Variants in OSBPL1A observed in about 807,000 individuals in gnomAD.
OSBPL1A encodes the protein oxysterol-binding protein-related protein 1.
In OSBPL1A, 80 loss-of-function variants were observed where a neutral mutation model predicts 137.1. The ratio of observed to expected loss-of-function variants is 0.58; its 90% CI spans 0.49 to 0.70. The LOEUF (loss-of-function observed/expected upper bound fraction) is 0.70, where lower values mean the gene tolerates loss of function less well. OSBPL1A is among the 30% of genes least tolerant of loss of function. The pLI, the probability that OSBPL1A is intolerant of heterozygous loss-of-function variation, is 0.00. For synonymous variants in OSBPL1A, 365 were observed against 389.7 expected (o/e 0.94, Z 0.75); for missense variants, 970 against 1,129.4 (o/e 0.86, Z 2.02).
chr18:24,368,206 G>A, intron 3 of OSBPL1A, 81 bp downstream of exon 3: 1 of 1,043,302 alleles, frequency 9.6e-7, no homozygotes, highest in South Asian at 1.5e-5. Flanking sequence ...GGCTCAGGTG[G>A]CTTTTCTAAG....
At chr18:24,223,274 C>A (rs539612266) in intron 17 of OSBPL1A, among the ~76,000 whole-genome samples, 1 of 152,164 alleles carries the variant, frequency 6.6e-6, no homozygotes, top group South Asian at 2.1e-4. Context: ...TTTAAATTAT[C>A]TGTGGCATAT....
At chr18:24,351,259 G>T (rs2091432889) in intron 4 of OSBPL1A, among the ~76,000 whole-genome samples, 1 of 145,368 alleles carries the variant, frequency 6.9e-6, no homozygotes, top group East Asian at 2.1e-4. Context: ...TGAGGCAGGA[G>T]AATCCTTTGA....
At chr18:24,219,330 G>C (rs1011954621) in intron 17 of OSBPL1A, among the ~76,000 whole-genome samples, 10 of 152,192 alleles carry the variant, frequency 6.6e-5, no homozygotes, top group Non-Finnish European at 1.2e-4. Context: ...TGATGTGGTG[G>C]TTTATAGATG....
intron 15 of OSBPL1A, among the ~76,000 whole-genome samples, chr18:24,243,877 A>T (rs2088799278): frequency 1.3e-5 from 2 of 152,236 alleles, no homozygotes; most frequent in African/African-American, 4.8e-5. Context: ...TGAGAGAGTA[A>T]CTACACATCA....
At position 24,162,899 on chromosome 18, in the gene OSBPL1A, G is replaced by A. The variant is rs2086052850; in HGVS notation, c.*280C>T. 4.4e-6 allele frequency: 1 copy of A among 228,462 alleles called. No homozygotes were observed. Among genetic ancestry groups the A allele is most frequent in the Non-Finnish European group, 8.6e-6 (1 of 116,884 alleles). The allele number at this position is 228,462 out of a possible 1,614,324, so 14.2% of individuals were successfully genotyped here. On this transcript the variant is annotated 3_prime_UTR_variant, in exon 28 of 28. Transcript: ENST00000319481. ...TAAACCTTCAGTAAATATGGCAACA[G>A]CAACCATAAAAAGCATATTCCCCAG...
At chr18:24,277,750 C>T (rs138200305) in intron 15 of OSBPL1A, among the ~76,000 whole-genome samples, 48 of 152,242 alleles carry the variant, frequency 3.2e-4, no homozygotes, top group Non-Finnish European at 6.3e-4. Context: ...TGTTGTAATC[C>T]TTATGCATTT....
intron 14 of OSBPL1A, among the ~76,000 whole-genome samples, chr18:24,287,836 A>C (rs183497684): frequency 6.8e-6 from 1 of 146,700 alleles, no homozygotes; most frequent in Non-Finnish European, 1.5e-5. Context: ...GCAGAAGTAA[A>C]AGTGAGCAAT....
intron 15 of OSBPL1A, among the ~76,000 whole-genome samples, chr18:24,269,525 T>C (rs2089664002): frequency 6.6e-6 from 1 of 152,138 alleles, no homozygotes; most frequent in Non-Finnish European, 1.5e-5. Context: ...CAGTTTCTTA[T>C]AAGGTAAACA....
chr18:24,245,101 T>G (rs889715658), intron 15 of OSBPL1A, among the ~76,000 whole-genome samples: 2 of 152,154 alleles, frequency 1.3e-5, no homozygotes, highest in Non-Finnish European at 2.9e-5. Flanking sequence ...ATTAGAATTT[T>G]TTTTTTTTCT....
intron 7 of OSBPL1A, among the ~76,000 whole-genome samples, chr18:24,325,142 C>A (rs921953112): frequency 6.6e-6 from 1 of 152,036 alleles, no homozygotes; most frequent in African/African-American, 2.4e-5. Flanking sequence ...ATAAGAAAGG[C>A]ATGACAAAAT....
chr18:24,265,531 A>T (rs567619099), intron 15 of OSBPL1A, among the ~76,000 whole-genome samples: 1 of 152,166 alleles, frequency 6.6e-6, no homozygotes, highest in Admixed American at 6.6e-5. Flanking sequence ...TATGCTCACA[A>T]ATCATTTCTA....
chr18:24,365,035 A>T (rs1239753094), intron 4 of OSBPL1A, among the ~76,000 whole-genome samples: 1 of 151,528 alleles, frequency 6.6e-6, no homozygotes, highest in African/African-American at 2.4e-5. Context: ...CAAAAAAAAA[A>T]AAAAAAAAAA....
chr18:24,276,966 G>A (rs2089859143), intron 15 of OSBPL1A, among the ~76,000 whole-genome samples: 1 of 152,164 alleles, frequency 6.6e-6, no homozygotes. Flanking sequence ...ATAATTTTAT[G>A]GAGTTTGGTT....
At chr18:24,339,332 A>C (rs2091235883) in intron 5 of OSBPL1A, among the ~76,000 whole-genome samples, 1 of 152,186 alleles carries the variant, frequency 6.6e-6, no homozygotes, top group Non-Finnish European at 1.5e-5. Context: ...GGGTTACTCA[A>C]GGTACTTCCA....
chr18:24,395,470 C>T (rs192335372), intron 1 of OSBPL1A, among the ~76,000 whole-genome samples: 1 of 152,092 alleles, frequency 6.6e-6, no homozygotes, highest in Admixed American at 6.6e-5. Context: ...AAAATAAAGC[C>T]ACAAGGAGAA....
intron 16 of OSBPL1A, among the ~76,000 whole-genome samples, chr18:24,228,469 C>G (rs1248217202): frequency 6.6e-6 from 1 of 152,200 alleles, no homozygotes; most frequent in Non-Finnish European, 1.5e-5. Context: ...TCCACCACAT[C>G]TGATGCTGCT....
chr18:24,241,642 AT>A (rs1467920611), intron 15 of OSBPL1A, among the ~76,000 whole-genome samples: 2 of 152,196 alleles, frequency 1.3e-5, no homozygotes, highest in African/African-American at 4.8e-5. Context: ...GCTAGAGAGG[AT>A]GTGGAGAAAT....
intron 13 of OSBPL1A, among the ~76,000 whole-genome samples, chr18:24,310,541 G>T (rs1465380213): frequency 2.7e-5 from 4 of 145,570 alleles, no homozygotes; most frequent in African/African-American, 7.7e-5. Context: ...GGTGGAACTT[G>T]CAGTGAGCCG....
intron 16 of OSBPL1A, among the ~76,000 whole-genome samples, chr18:24,233,244 G>T (rs1212624472): frequency 6.6e-6 from 1 of 152,150 alleles, no homozygotes; most frequent in African/African-American, 2.4e-5. Context: ...CTAAAGTCAT[G>T]TACCTTTAGT....
Sources: gnomAD v4.1 joint callset for allele counts (sites outside exome capture counted in the v4.1 genomes callset) on GRCh38, gnomAD v4.1.1 for gene constraint, MANE v1.5 for transcripts, NCBI Gene and HGNC (gene_info 2026-07-23, HGNC 2026-07-21) for gene names.